The following AIDA variants were observed in gnomAD, a reference collection of about 807,000 sequenced individuals.
The protein encoded by AIDA is axin interactor, dorsalization-associated protein.
A neutral mutation model predicts 42.7 loss-of-function variants in AIDA; 18 were observed. The observed-to-expected ratio is 0.42, with a 90% CI of 0.29 to 0.63. The LOEUF (loss-of-function observed/expected upper bound fraction) is 0.63, where lower values mean the gene tolerates loss of function less well. Ranked by LOEUF, AIDA falls within the 20% of genes least tolerant of loss-of-function variation. AIDA has a pLI of 0.19. For missense variants in AIDA, 250 were observed against 354.1 expected, an observed-to-expected ratio of 0.71 and a Z score of 2.36; for synonymous variants, 104 against 122.9, an observed-to-expected ratio of 0.85 and a Z score of 1.02.
chr1:222,677,771 G>A (rs953574133), intron 6 of AIDA, among the ~76,000 whole-genome samples: 5 of 151,874 alleles, frequency 3.3e-5, no homozygotes, highest in African/African-American at 1.2e-4. Flanking sequence ...AATAGTTCAT[G>A]GAGATTTTCC....
intron 1 of AIDA, among the ~76,000 whole-genome samples, chr1:222,709,160 C>T (rs1219093714): frequency 6.6e-6 from 1 of 152,152 alleles, no homozygotes; most frequent in Non-Finnish European, 1.5e-5. Flanking sequence ...TAGCCGGGCA[C>T]GGTGGCTCAT....
At chr1:222,695,792 A>G (rs1445453782) in intron 2 of AIDA, among the ~76,000 whole-genome samples, 2 of 152,236 alleles carry the variant, frequency 1.3e-5, no homozygotes, top group Non-Finnish European at 2.9e-5. Context: ...CAATGCCTGC[A>G]CAATGAAATA....
chr1:222,668,061 T>C lies in AIDA; in HGVS notation c.*1832A>G, dbSNP rs1413222160. The C allele has an allele frequency of 6.6e-6, 1 of 152,250 alleles. No individual in the cohort carries two copies. The highest frequency in any genetic ancestry group is 2.4e-5 in the African/African-American group (1 of 41,464). The allele number at this position is 152,250 out of a possible 1,614,324, so 9.4% of individuals were successfully genotyped here. A position where few individuals can be genotyped will look rare whatever the true frequency, so the allele number is the denominator to read the frequency against. ...TGATGAAAGGTATTTGTAGTTCATA[T>C]AAACTATACTTATGTGAAGGATAGC... On this transcript the variant is annotated 3_prime_UTR_variant, in exon 10 of 10. Transcript: ENST00000340020.
At chr1:222,689,473 GTGTGTGTGTATATA>G (rs1344451694) in intron 4 of AIDA, among the ~76,000 whole-genome samples, 1 of 36,526 alleles carries the variant, frequency 2.7e-5, no homozygotes, top group East Asian at 1.3e-3. Flanking sequence ...ATATGTATGT[GTGTGTGTGTATATA>G]TATATATATA....
At chr1:222,694,132 C>T in intron 3 of AIDA, 78 bp downstream of exon 3, 1 of 1,308,638 alleles carries the variant, frequency 7.6e-7, no homozygotes, top group Non-Finnish European at 1.1e-6. Context: ...CTGCTTTTGA[C>T]ATAAATGTCT....
At chr1:222,695,491 C>G (rs1558213646) in intron 2 of AIDA, among the ~76,000 whole-genome samples, 1 of 148,866 alleles carries the variant, frequency 6.7e-6, no homozygotes, top group African/African-American at 2.5e-5. Flanking sequence ...GACTCCATCT[C>G]AAAAAAAAAG....
At chr1:222,679,340 T>C (rs900519051) in intron 6 of AIDA, among the ~76,000 whole-genome samples, 3 of 150,446 alleles carry the variant, frequency 2.0e-5, no homozygotes, top group East Asian at 1.9e-4. Flanking sequence ...TTTATAAAAC[T>C]TGAAGACTGT....
chr1:222,682,581 T>A (rs1038830504), intron 6 of AIDA, among the ~76,000 whole-genome samples: 1 of 152,154 alleles, frequency 6.6e-6, no homozygotes, highest in African/African-American at 2.4e-5. Context: ...AATATATACA[T>A]ATGATAATAT....
At chr1:222,695,558 G>C (rs1364318422) in intron 2 of AIDA, among the ~76,000 whole-genome samples, 1 of 152,068 alleles carries the variant, frequency 6.6e-6, no homozygotes, top group Non-Finnish European at 1.5e-5. Flanking sequence ...AAAGACTAAA[G>C]GCAACATCAA....
chr1:222,710,576 T>C (rs1655970078), intron 1 of AIDA, among the ~76,000 whole-genome samples: 2 of 152,210 alleles, frequency 1.3e-5, no homozygotes, highest in African/African-American at 2.4e-5. Context: ...ACAGAATGGG[T>C]ATACATAGGT....
chr1:222,684,719 C>T (rs908486764), intron 6 of AIDA, among the ~76,000 whole-genome samples: 3 of 152,110 alleles, frequency 2.0e-5, no homozygotes, highest in African/African-American at 7.2e-5. Context: ...TATCACAATG[C>T]TATATCAGAA....
chr1:222,688,008 A>G (rs1336092034), intron 4 of AIDA, among the ~76,000 whole-genome samples: 2 of 152,066 alleles, frequency 1.3e-5, no homozygotes, highest in African/African-American at 2.4e-5. Context: ...TAGTACTTTA[A>G]TTAAAAGATT....
Position 222,668,849 on chromosome 1 carries a change from A to C in AIDA, c.*1044T>G, listed in dbSNP as rs1664391816. 1 of 149,724 alleles carries C rather than the reference A, an allele frequency of 6.7e-6. No homozygotes were observed. The highest frequency in any genetic ancestry group is 2.2e-4 in the South Asian group (1 of 4,646). 9.3% of individuals were successfully genotyped at this position (149,724 alleles called of 1,614,324 possible). Reference sequence around the variant, plus strand: ...CCCCATTAAGTCAAAAGTAAATTATAGTAAGCTAATGACCTGCATATTTTC... The same window carrying C: ...CCCCATTAAGTCAAAAGTAAATTATCGTAAGCTAATGACCTGCATATTTTC... On this transcript the variant is annotated 3_prime_UTR_variant, in exon 10 of 10. Coordinates refer to ENST00000340020, the MANE Select transcript of AIDA (RefSeq NM_022831.4).
At chr1:222,670,373 G>A in intron 8 of AIDA, 123 bp from the exon 9 acceptor site, 1 of 738,120 alleles carries the variant, frequency 1.4e-6, no homozygotes, top group Non-Finnish European at 2.3e-6. Flanking sequence ...AAAACAACTT[G>A]TGCCAGTCTC....
At chr1:222,706,613 A>C (rs1210043364) in intron 1 of AIDA, among the ~76,000 whole-genome samples, 1 of 152,172 alleles carries the variant, frequency 6.6e-6, no homozygotes, top group African/African-American at 2.4e-5. Flanking sequence ...TCATGCCTGT[A>C]ATCCCAGCAC....
At chr1:222,692,380 C>T (rs1166824950) in intron 4 of AIDA, among the ~76,000 whole-genome samples, 1 of 152,176 alleles carries the variant, frequency 6.6e-6, no homozygotes, top group Non-Finnish European at 1.5e-5. Context: ...GAGCACAGAC[C>T]TGCCACCCTC....
At chr1:222,673,722 G>A (rs1015326081) in intron 7 of AIDA, among the ~76,000 whole-genome samples, 2 of 151,812 alleles carry the variant, frequency 1.3e-5, no homozygotes, top group East Asian at 2.0e-4. Flanking sequence ...AGCTTGCAGT[G>A]AGCCGAGATC....
At chr1:222,671,470 G>GA (rs532291052) in intron 8 of AIDA, among the ~76,000 whole-genome samples, 1 of 152,182 alleles carries the variant, frequency 6.6e-6, no homozygotes, top group Non-Finnish European at 1.5e-5. Context: ...GGCTTGCAAA[G>GA]ACAACATACA....
chr1:222,671,099 T>C (rs1045123295), intron 8 of AIDA, among the ~76,000 whole-genome samples: 4 of 151,890 alleles, frequency 2.6e-5, no homozygotes, highest in African/African-American at 9.7e-5. Flanking sequence ...CGGTGGCACG[T>C]GCCTGTACTC....
Sources: allele counts gnomAD v4.1 joint callset (sites outside exome capture counted in the v4.1 genomes callset), GRCh38; gene constraint gnomAD v4.1.1; transcripts MANE v1.5; gene names NCBI Gene and HGNC (gene_info 2026-07-23, HGNC 2026-07-21).